Variants in ARHGAP29 observed in about 807,000 individuals in gnomAD.
The protein encoded by ARHGAP29 is rho GTPase-activating protein 29.
Under a neutral mutation model 122.6 loss-of-function variants are expected in ARHGAP29, and 43 were observed. That is an observed-to-expected ratio of 0.35 (90% confidence interval 0.27 to 0.45). The LOEUF is 0.45. Ranked by LOEUF, ARHGAP29 falls within the 20% of genes least tolerant of loss-of-function variation. ARHGAP29 has a pLI of 1.00. For synonymous variants in ARHGAP29, 506 were observed against 497.1 expected (o/e 1.02, Z -0.24); for missense variants, 1,303 against 1,477.2 (o/e 0.88, Z 1.93).
chr1:94,278,297 C>A (rs888243905), upstream of ARHGAP29, among the ~76,000 whole-genome samples: 1 of 151,626 alleles, frequency 6.6e-6, no homozygotes, highest in Non-Finnish European at 1.5e-5. Context: ...CCAGCGTAGG[C>A]AACAGAACAA....
chr1:94,287,610 C>T, the ARHGAP29 span, among the ~76,000 whole-genome samples: 5 of 152,112 alleles, frequency 3.3e-5, no homozygotes, highest in South Asian at 4.2e-4. Flanking sequence ...CCCATTAACT[C>T]GTCATTTACA....
intron 12 of ARHGAP29, among the ~76,000 whole-genome samples, chr1:94,197,444 G>A (rs1412246681): frequency 6.6e-6 from 1 of 152,066 alleles, no homozygotes; most frequent in Non-Finnish European, 1.5e-5. Flanking sequence ...TTTTAAAGAA[G>A]AAATAACACA....
chr1:94,307,046 A>T, the ARHGAP29 span, among the ~76,000 whole-genome samples: 5 of 152,250 alleles, frequency 3.3e-5, no homozygotes, highest in African/African-American at 1.2e-4. Context: ...GTGAAAGAAA[A>T]ACACAATTAT....
chr1:94,251,799 A>G (rs1654106951), intron 1 of ARHGAP29, among the ~76,000 whole-genome samples: 1 of 152,126 alleles, frequency 6.6e-6, no homozygotes, highest in Non-Finnish European at 1.5e-5. Flanking sequence ...TCCTCCATAA[A>G]AACAGCATCC....
chr1:94,182,877 C>T (rs1649566729), intron 19 of ARHGAP29, among the ~76,000 whole-genome samples: 1 of 151,938 alleles, frequency 6.6e-6, no homozygotes, highest in Non-Finnish European at 1.5e-5. Flanking sequence ...GGCATTTCCT[C>T]ATAAAAGAGG....
At chr1:94,235,924 G>A (rs1653223528) in intron 1 of ARHGAP29, among the ~76,000 whole-genome samples, 1 of 152,158 alleles carries the variant, frequency 6.6e-6, no homozygotes. Context: ...TACGGCAGTA[G>A]TTTCATTTTA....
At chr1:94,198,452 C>G (rs1371074351) in intron 12 of ARHGAP29, among the ~76,000 whole-genome samples, 1 of 152,108 alleles carries the variant, frequency 6.6e-6, no homozygotes, top group Non-Finnish European at 1.5e-5. Context: ...GCCTGAGTGA[C>G]AGAGTAAAAC....
At chr1:94,231,790 A>G in intron 1 of ARHGAP29, 147 bp from the exon 2 acceptor site, 1 of 616,060 alleles carries the variant, frequency 1.6e-6, no homozygotes, top group Non-Finnish European at 2.8e-6. Flanking sequence ...TTAAAAATCA[A>G]AAATCAATAA....
intron 1 of ARHGAP29, among the ~76,000 whole-genome samples, chr1:94,254,311 A>G (rs1287891853): frequency 2.0e-5 from 3 of 152,224 alleles, no homozygotes; most frequent in African/African-American, 4.8e-5. Context: ...ACTAGAATAT[A>G]TGAGGTCACA....
chr1:94,265,856 G>T (rs912409077), intron 1 of ARHGAP29, among the ~76,000 whole-genome samples: 1 of 152,154 alleles, frequency 6.6e-6, no homozygotes, highest in Non-Finnish European at 1.5e-5. Flanking sequence ...CAGAGGGAAT[G>T]GGGGAGCACC....
intron 3 of ARHGAP29, among the ~76,000 whole-genome samples, chr1:94,209,908 T>C (rs1651478306): frequency 6.6e-6 from 1 of 152,194 alleles, no homozygotes; most frequent in South Asian, 2.1e-4. Context: ...TTAAAATTCC[T>C]ATTTACTTAC....
chr1:94,178,039 T>C lies in ARHGAP29; in HGVS notation c.2609A>G (p.Asn870Ser). Residue 870 changes from asparagine (N) to serine (S), a missense_variant, in exon 21 of 23, where the codon AAT becomes AGT. Physicochemically the swap from Asn to Ser is conservative, Grantham distance 46 (BLOSUM62 1). Transcript: ENST00000260526. ...GAGAAACTCTACCAAGCGTGCTTGA[T>C]TTGAATACTCTGCAAGGGAGGAGAT... Reference protein sequence around the residue: ...ITISSLAEYSNQARLVEFLIT... With the variant: ...ITISSLAEYSSQARLVEFLIT... 6.2e-7 allele frequency: 1 copy of C among 1,614,190 alleles called. No individual in the cohort carries two copies. The highest frequency in any genetic ancestry group is 8.5e-7 in the Non-Finnish European group (1 of 1,180,030).
chr1:94,179,875 T>G lies in ARHGAP29; in HGVS notation c.2330A>C (p.Gln777Pro), dbSNP rs946146631. 2.5e-6 allele frequency: 4 copies of G among 1,613,292 alleles called. No homozygotes were observed. Among genetic ancestry groups the G allele is most frequent in the Non-Finnish European group, 3.4e-6 (4 of 1,179,658 alleles). Residue 777 changes from glutamine to proline, a missense_variant, in exon 20 of 23, where the codon CAA (glutamine) becomes CCA (proline). Around this residue, in one of 3 missense-constraint regions of ARHGAP29, gnomAD observed 620 missense variants for 651.2 expected, o/e 0.95. Coordinates refer to ENST00000260526, the MANE Select transcript of ARHGAP29 (RefSeq NM_004815.4). ...AKEIQHVNEE[Q>P]ETKKNSLEDK... ...TTCAAGACTATTCTTTTTTGTCTCT[T>G]GTTCTTCATTTACATGTTGGATCTC... is the stretch of plus-strand genomic sequence containing the variant.
chr1:94,290,413 T>G, the ARHGAP29 span, among the ~76,000 whole-genome samples: 1 of 152,226 alleles, frequency 6.6e-6, no homozygotes. Flanking sequence ...TTTTTGTGTC[T>G]GTATCTCCTT....
chr1:94,264,575 G>C (rs1654688855), intron 1 of ARHGAP29, among the ~76,000 whole-genome samples: 1 of 152,028 alleles, frequency 6.6e-6, no homozygotes, highest in Non-Finnish European at 1.5e-5. Flanking sequence ...GTTCACTCAG[G>C]GGAGTCCCAT....
intron 1 of ARHGAP29, among the ~76,000 whole-genome samples, chr1:94,257,752 A>G (rs1300494654): frequency 2.0e-5 from 3 of 152,194 alleles, no homozygotes; most frequent in Non-Finnish European, 2.9e-5. Flanking sequence ...CAATGTATCT[A>G]TGACACATGT....
intron 5 of ARHGAP29, 90 bp downstream of exon 5, chr1:94,208,742 G>A (rs1651380608): frequency 7.7e-7 from 1 of 1,304,874 alleles, no homozygotes. Context: ...TTACAGGTAT[G>A]AGCCACCACC....
intron 2 of ARHGAP29, among the ~76,000 whole-genome samples, chr1:94,221,323 T>C (rs558642856): frequency 3.9e-5 from 6 of 152,234 alleles, no homozygotes; most frequent in South Asian, 2.1e-4. Flanking sequence ...AGTACTCTTA[T>C]ATAATCTTCC....
chr1:94,200,232 CAAT>C (rs1291519611), intron 12 of ARHGAP29, among the ~76,000 whole-genome samples: 1 of 152,028 alleles, frequency 6.6e-6, no homozygotes, highest in African/African-American at 2.4e-5. Flanking sequence ...GCAAGCTCAA[CAAT>C]AAGAAAATAA....
Sources: gnomAD v4.1 joint callset for allele counts (sites outside exome capture counted in the v4.1 genomes callset) on GRCh38, gnomAD v4.1.1 for gene constraint, gnomAD v4.1.1 regional missense constraint, MANE v1.5 for transcripts, NCBI Gene and HGNC (gene_info 2026-07-23, HGNC 2026-07-21) for gene names.